CSNK1G1: variants seen among roughly 807,000 people sequenced by gnomAD.
CSNK1G1 encodes the protein casein kinase I isoform gamma-1.
A neutral mutation model predicts 59.6 loss-of-function variants in CSNK1G1; 22 were observed. That is an observed-to-expected ratio of 0.37 (90% CI 0.26 to 0.53). CSNK1G1 has a LOEUF of 0.53. Among genes scored for constraint, CSNK1G1 ranks in the 20% least tolerant of loss-of-function variants. The pLI is 0.89. For synonymous variants in CSNK1G1, 179 were observed against 177.1 expected (o/e 1.01, Z -0.08); for missense variants, 384 against 519.5 (o/e 0.74, Z 2.54).
intron 10 of CSNK1G1, among the ~76,000 whole-genome samples, chr15:64,198,961 T>TA (rs1006599354): frequency 4.7e-5 from 7 of 150,408 alleles, no homozygotes; most frequent in African/African-American, 1.2e-4. Context: ...ACTCTAAAAT[T>TA]AAAAAAATAG....
chr15:64,352,886 C>T (rs1596310374), intron 1 of CSNK1G1, among the ~76,000 whole-genome samples: 1 of 151,226 alleles, frequency 6.6e-6, no homozygotes, highest in Non-Finnish European at 1.5e-5. Flanking sequence ...GTCAGGAGTT[C>T]GAGACCTGCC....
At position 64,216,471 on chromosome 15, in the gene CSNK1G1, T is replaced by C. The variant is rs1567378296; in HGVS notation, c.444+91A>G. ...AGCCTGTGAGTACTAATTCTTGATG[T>C]GTTGCTACGGCTAGTAAATCACCAA... On this transcript the variant is annotated intron_variant, in intron 5 of 11. Coordinates refer to ENST00000303052, the MANE Select transcript of CSNK1G1 (RefSeq NM_022048.5). This position sits in a 1 kb window ranked among gnomAD's most constrained non-coding sequence, Gnocchi z 4.6. 7.8e-7 allele frequency: 1 copy of C among 1,276,540 alleles called. No homozygotes were observed. Among genetic ancestry groups the C allele is most frequent in the South Asian group, 1.4e-5 (1 of 73,958 alleles). 79.1% of individuals were successfully genotyped at this position (1,276,540 alleles called of 1,614,324 possible).
At chr15:64,272,416 AC>A (rs1893367133) in intron 2 of CSNK1G1, among the ~76,000 whole-genome samples, 1 of 151,898 alleles carries the variant, frequency 6.6e-6, no homozygotes, top group African/African-American at 2.4e-5. Flanking sequence ...ACGGGGTTTC[AC>A]CGTGTTAGCC....
chr15:64,343,291 C>G (rs1434451227), intron 1 of CSNK1G1, among the ~76,000 whole-genome samples: 1 of 151,432 alleles, frequency 6.6e-6, no homozygotes, highest in African/African-American at 2.4e-5. Context: ...CCTTCCTCCC[C>G]ACCTAGCACA....
At chr15:64,185,629 C>T (rs1205424398) in intron 10 of CSNK1G1, among the ~76,000 whole-genome samples, 1 of 151,938 alleles carries the variant, frequency 6.6e-6, no homozygotes, top group Non-Finnish European at 1.5e-5. Context: ...TTTGCGAGGC[C>T]AAGGCAGGTG....
chr15:64,353,295 T>C (rs1898419490), intron 1 of CSNK1G1, among the ~76,000 whole-genome samples: 1 of 152,038 alleles, frequency 6.6e-6, no homozygotes, highest in Admixed American at 6.6e-5. Flanking sequence ...TAGCTGAAAA[T>C]CTGACATATA....
In CSNK1G1 at chr15:64,170,357, T is replaced by C. The variant is rs1187669389; in HGVS notation, c.*1574A>G. On this transcript the variant is annotated 3_prime_UTR_variant, in exon 12 of 12. Coordinates refer to ENST00000303052, the MANE Select transcript of CSNK1G1 (RefSeq NM_022048.5). ...GGCCACCTTTCTGGAAGGAGTCCAA[T>C]TGAGAAGATAATTTCAGACCTTTCA... is the stretch of plus-strand genomic sequence containing the variant. 6.6e-6 allele frequency: 1 copy of C among 152,402 alleles called. No homozygotes were observed. The highest frequency in any genetic ancestry group is 2.4e-5 in the African/African-American group (1 of 41,454). The allele number at this position is 152,402 out of a possible 1,614,324, so 9.4% of individuals were successfully genotyped here.
chr15:64,238,522 T>TAA (rs2082650065), intron 4 of CSNK1G1, among the ~76,000 whole-genome samples: 1 of 102,026 alleles, frequency 9.8e-6, no homozygotes, highest in Admixed American at 9.8e-5. Flanking sequence ...AAAAAAAATA[T>TAA]ATATATATAT....
intron 1 of CSNK1G1, among the ~76,000 whole-genome samples, chr15:64,317,901 A>G (rs143156288): frequency 9.1e-4 from 139 of 152,290 alleles, no homozygotes; most frequent in South Asian, 6.8e-3. Context: ...TACCTGGTAA[A>G]TAATACCAGT....
chr15:64,234,040 C>G (rs117995262), intron 4 of CSNK1G1, among the ~76,000 whole-genome samples: 6 of 152,192 alleles, frequency 3.9e-5, no homozygotes, highest in Non-Finnish European at 8.8e-5. Flanking sequence ...ATGACCACAC[C>G]ACACTTTTCC....
chr15:64,291,341 CT>C (rs1410316704), intron 2 of CSNK1G1, among the ~76,000 whole-genome samples: 3 of 152,152 alleles, frequency 2.0e-5, no homozygotes, highest in African/African-American at 7.2e-5. Context: ...AATCCCAGCA[CT>C]TTGGGAGGCT....
At chr15:64,182,061 T>C (rs1018755342) in intron 10 of CSNK1G1, among the ~76,000 whole-genome samples, 2 of 134,202 alleles carry the variant, frequency 1.5e-5, no homozygotes, top group Non-Finnish European at 3.2e-5. Context: ...CCGTTTTTTT[T>C]TTTTTTTTTT....
chr15:64,277,506 C>A (rs74345490), intron 2 of CSNK1G1, among the ~76,000 whole-genome samples: 2 of 149,634 alleles, frequency 1.3e-5, no homozygotes, highest in East Asian at 3.9e-4. Context: ...TACATATACA[C>A]ACACTTTTAC....
chr15:64,279,092 T>A (rs1441685431), intron 2 of CSNK1G1, among the ~76,000 whole-genome samples: 1 of 152,250 alleles, frequency 6.6e-6, no homozygotes, highest in Non-Finnish European at 1.5e-5. Context: ...ATCCACCTTT[T>A]TTTGTAATTT....
intron 1 of CSNK1G1, among the ~76,000 whole-genome samples, chr15:64,334,207 G>C (rs756851027): frequency 1.4e-4 from 21 of 152,144 alleles, no homozygotes; most frequent in Non-Finnish European, 2.9e-4. Flanking sequence ...CAGTAGAGAT[G>C]GTGTTTCACC....
chr15:64,325,948 C>T (rs1896813990), intron 1 of CSNK1G1, among the ~76,000 whole-genome samples: 1 of 152,192 alleles, frequency 6.6e-6, no homozygotes, highest in South Asian at 2.1e-4. Flanking sequence ...TATTACATCA[C>T]ACTTTACCTC....
intron 7 of CSNK1G1, among the ~76,000 whole-genome samples, chr15:64,206,561 T>C (rs1244790567): frequency 8.9e-6 from 1 of 111,870 alleles, no homozygotes; most frequent in Middle Eastern, 0.01. Context: ...GAGCCCAGCC[T>C]GGGAAACAGA....
intron 7 of CSNK1G1, among the ~76,000 whole-genome samples, chr15:64,207,105 T>C (rs2082192544): frequency 6.6e-6 from 1 of 151,994 alleles, no homozygotes. Context: ...AGGGAAAAGA[T>C]CATGGAAAAT....
intron 7 of CSNK1G1, among the ~76,000 whole-genome samples, chr15:64,205,779 T>C (rs545506469): frequency 2.6e-5 from 4 of 152,306 alleles, no homozygotes; most frequent in African/African-American, 9.6e-5. Context: ...TGAAACTCTA[T>C]TTGAAAGCTA....
Sources: allele counts gnomAD v4.1 joint callset (sites outside exome capture counted in the v4.1 genomes callset), GRCh38; gene constraint gnomAD v4.1.1; non-coding constraint Gnocchi (gnomAD v3.1); transcripts MANE v1.5; gene names NCBI Gene and HGNC (gene_info 2026-07-23, HGNC 2026-07-21).